Variants in MOSMO observed in about 807,000 individuals in gnomAD.
The protein encoded by MOSMO is modulator of smoothened protein.
Under a neutral mutation model 18.4 loss-of-function variants are expected in MOSMO, and 5 were observed. The observed-to-expected ratio is 0.27, with a 90% CI of 0.14 to 0.57. The LOEUF (loss-of-function observed/expected upper bound fraction) is 0.57, where lower values mean the gene tolerates loss of function less well. Ranked by LOEUF, MOSMO falls within the 20% of genes least tolerant of loss-of-function variation. The pLI is 0.92. For missense variants in MOSMO, 138 were observed against 211.8 expected (o/e 0.65, Z 2.16); for synonymous variants, 82 against 82.3 (o/e 1.00, Z 0.02).
At chr16:22,075,388 G>A (rs1394174267) in intron 1 of MOSMO, 99 bp from the exon 2 acceptor site, 1 of 812,660 alleles carries the variant, frequency 1.2e-6, no homozygotes, top group African/African-American at 1.9e-5. Flanking sequence ...GACCCACGAA[G>A]AGATAAATGA....
intron 1 of MOSMO, among the ~76,000 whole-genome samples, chr16:22,058,157 G>T (rs1900571804): frequency 6.6e-6 from 1 of 152,154 alleles, no homozygotes. Flanking sequence ...GCCGGGTGTG[G>T]TGGCTCACAC....
chr16:22,041,882 A>G lies in MOSMO; in HGVS notation c.106+33475A>G, dbSNP rs534939464. On this transcript the variant is annotated intron_variant, in intron 1 of 2. Transcript: ENST00000542527. ...ATTTTTGTAGAGACAAGGTCTCACT[A>G]TGTTTGTTGCCCAGCTTGGTCTTGA... Among the ~76,000 whole-genome samples, 3 of 151,958 alleles carry G rather than the reference A, an allele frequency of 2.0e-5. No individual in the cohort carries two copies. The South Asian group carries it at 6.2e-4, about 32-fold the overall frequency.
chr16:22,038,503 C>T (rs1900150611), intron 1 of MOSMO, among the ~76,000 whole-genome samples: 1 of 152,094 alleles, frequency 6.6e-6, no homozygotes, highest in Non-Finnish European at 1.5e-5. Context: ...AGACAAGAAA[C>T]ACTTTGTGAC....
intron 1 of MOSMO, among the ~76,000 whole-genome samples, chr16:22,072,950 T>TAA (rs1168815104): frequency 6.6e-6 from 1 of 152,196 alleles, no homozygotes; most frequent in East Asian, 1.9e-4. Flanking sequence ...AATACAGGAC[T>TAA]ATAGCTATTC....
chr16:22,090,571 C>T (rs1217472383), downstream of MOSMO, among the ~76,000 whole-genome samples: 1 of 152,214 alleles, frequency 6.6e-6, no homozygotes, highest in Admixed American at 6.5e-5. Flanking sequence ...GCACCTGCTC[C>T]TGGTTTGAAA....
chr16:22,089,792 C>A (rs1347505315), downstream of MOSMO, among the ~76,000 whole-genome samples: 1 of 152,030 alleles, frequency 6.6e-6, no homozygotes, highest in Non-Finnish European at 1.5e-5. Context: ...CCTGAATGCA[C>A]CAAGGACCCA....
Position 22,080,952 on chromosome 16 carries a change from G to C in MOSMO, c.*72G>C. Reference sequence around the variant, plus strand: ...TTTTTTTATTTTTGGAGGGTGGAGAGGACAAAGGCGAGGCATCTGAGCAGG... The same window carrying C: ...TTTTTTTATTTTTGGAGGGTGGAGACGACAAAGGCGAGGCATCTGAGCAGG... On this transcript the variant is annotated 3_prime_UTR_variant, in exon 3 of 3. Transcript: ENST00000542527. 4 of 705,348 alleles carry C rather than the reference G, an allele frequency of 5.7e-6. No homozygotes were observed. The highest frequency in any genetic ancestry group is 8.0e-6 in the Non-Finnish European group (4 of 498,784). 43.7% of individuals were successfully genotyped at this position (705,348 alleles called of 1,614,324 possible). A position where few individuals can be genotyped will look rare whatever the true frequency, so the allele number is the denominator to read the frequency against.
At chr16:22,085,449 G>A (rs1901153307), downstream of MOSMO, among the ~76,000 whole-genome samples, 1 of 151,974 alleles carries the variant, frequency 6.6e-6, no homozygotes, top group African/African-American at 2.4e-5. Flanking sequence ...GGTTTTTGGG[G>A]GGTTATTTTC....
Position 22,082,513 on chromosome 16 carries a change from A to T in MOSMO, c.*1633A>T, listed in dbSNP as rs776645386. 29 of 152,158 alleles carry T rather than the reference A, an allele frequency of 1.9e-4. No homozygotes were observed. Among genetic ancestry groups the T allele is most frequent in the Non-Finnish European group, 2.9e-4 (20 of 68,032 alleles). 9.4% of individuals were successfully genotyped at this position (152,158 alleles called of 1,614,324 possible). On this transcript the variant is annotated 3_prime_UTR_variant, in exon 3 of 3. Transcript: ENST00000542527. ...GGTGACCCAAATGTCCCTGTCATTTATAGTGAACTGATGACCCAAATGACT... is the reference window on the plus strand; with the variant it reads ...GGTGACCCAAATGTCCCTGTCATTTTTAGTGAACTGATGACCCAAATGACT...
At chr16:22,025,894 G>A (rs769739984) in intron 1 of MOSMO, among the ~76,000 whole-genome samples, 1 of 152,108 alleles carries the variant, frequency 6.6e-6, no homozygotes, top group Non-Finnish European at 1.5e-5. Flanking sequence ...GGTTTGTTTA[G>A]TACCTCTCTC....
chr16:22,026,508 C>T (rs774698423), intron 1 of MOSMO, among the ~76,000 whole-genome samples: 39 of 151,972 alleles, frequency 2.6e-4, no homozygotes, highest in African/African-American at 7.5e-4. Context: ...CATGAGCCAC[C>T]GCGCCCAGCC....
chr16:22,037,126 C>A (rs1417505219), intron 1 of MOSMO, among the ~76,000 whole-genome samples: 1 of 152,118 alleles, frequency 6.6e-6, no homozygotes, highest in East Asian at 1.9e-4. Context: ...GAAAACCAGC[C>A]AGGCATGTTG....
intron 1 of MOSMO, among the ~76,000 whole-genome samples, chr16:22,022,324 G>C (rs1353090493): frequency 2.0e-5 from 3 of 152,052 alleles, no homozygotes; most frequent in Non-Finnish European, 2.9e-5. Context: ...CCCAGGCCCT[G>C]CCGGTATCAC....
At chr16:22,087,636 T>G (rs1404905763), downstream of MOSMO, 4 of 152,230 alleles carry the variant, frequency 2.6e-5, no homozygotes, top group African/African-American at 9.6e-5. Context: ...AACTGACATA[T>G]CTAAGAAGGC....
chr16:22,077,964 C>A (rs542019148), intron 2 of MOSMO, among the ~76,000 whole-genome samples: 40 of 152,190 alleles, frequency 2.6e-4, no homozygotes, highest in African/African-American at 9.2e-4. Context: ...TATTTCTATT[C>A]CCGTTAAGCT....
At chr16:22,068,828 A>T (rs1900795302) in intron 1 of MOSMO, among the ~76,000 whole-genome samples, 1 of 152,116 alleles carries the variant, frequency 6.6e-6, no homozygotes, top group South Asian at 2.1e-4. Context: ...ATGAACATTC[A>T]TATATAAGTT....
At chr16:22,073,882 T>C (rs1241104557) in intron 1 of MOSMO, among the ~76,000 whole-genome samples, 2 of 152,078 alleles carry the variant, frequency 1.3e-5, no homozygotes, top group South Asian at 2.1e-4. Flanking sequence ...TGGGCAGGGA[T>C]CACCAGATGG....
downstream of MOSMO, chr16:22,086,848 G>C (rs973636814): frequency 2.6e-5 from 4 of 152,146 alleles, no homozygotes; most frequent in Admixed American, 2.0e-4. Flanking sequence ...ACTGAATTAT[G>C]AAAATTAAAG....
intron 1 of MOSMO, among the ~76,000 whole-genome samples, chr16:22,022,163 A>T (rs1240792750): frequency 6.6e-6 from 1 of 150,836 alleles, no homozygotes; most frequent in Non-Finnish European, 1.5e-5. Context: ...TCATTGTTTT[A>T]TCCTTGGCTG....
Sources: gnomAD v4.1 joint callset for allele counts (sites outside exome capture counted in the v4.1 genomes callset) on GRCh38, gnomAD v4.1.1 for gene constraint, MANE v1.5 for transcripts, NCBI Gene and HGNC (gene_info 2026-07-23, HGNC 2026-07-21) for gene names.